NBEAL1: variants seen among roughly 807,000 people sequenced by gnomAD.
NBEAL1 encodes neurobeachin-like protein 1.
NBEAL1 carries 273 observed loss-of-function variants against 351.3 expected under a neutral mutation model. The ratio of observed to expected loss-of-function variants is 0.78; its 90% confidence interval spans 0.70 to 0.86. The LOEUF is 0.86. Ranked by LOEUF, NBEAL1 falls within the 40% of genes least tolerant of loss-of-function variation. The probability of loss-of-function intolerance (pLI) is 0.00; values close to 1 mark genes in which losing one functional copy is unlikely to be tolerated. For synonymous variants in NBEAL1, 1,050 were observed against 1,086.4 expected (o/e 0.97, Z 0.66); for missense variants, 2,961 against 3,201.3 (o/e 0.92, Z 1.81).
intron 38 of NBEAL1, among the ~76,000 whole-genome samples, chr2:203,169,401 A>C (rs1240700259): frequency 6.6e-6 from 1 of 150,762 alleles, no homozygotes; most frequent in South Asian, 2.1e-4. Context: ...AAAAAAAAAA[A>C]AAAAAAAAAA....
chr2:203,122,078 G>A (rs138844896), intron 18 of NBEAL1, among the ~76,000 whole-genome samples, 176 bp from the exon 19 acceptor site: 3,580 of 152,162 alleles, frequency 0.024, 154 homozygotes, highest in East Asian at 0.15. Context: ...GAGCCACCAC[G>A]CCCGGCCCTG....
intron 7 of NBEAL1, among the ~76,000 whole-genome samples, chr2:203,074,317 CTTTTTTTTTT>C (rs56217945): frequency 2.6e-4 from 26 of 98,292 alleles, no homozygotes; most frequent in South Asian, 3.4e-4. Flanking sequence ...TTTCTTTCTT[CTTTTTTTTTT>C]TTTTTTTTTT....
chr2:203,107,751 T>C lies in NBEAL1; in HGVS notation c.1512T>C (p.Cys504=). ...FISDWLKRIC[C]INRQSRTTCV... ...CTGATTGGCTGAAAAGAATTTGTTG[T>C]ATTAATAGACAGAGTCGAACTACTT... The change falls in exon 14 of 56, where the codon TGT becomes TGC. Residue 504 remains cysteine, a synonymous_variant. Coordinates refer to ENST00000683969, the MANE Select transcript of NBEAL1 (RefSeq NM_001378026.1). 6.4e-7 allele frequency: 1 copy of C among 1,554,046 alleles called. No individual in the cohort carries two copies. Among genetic ancestry groups the C allele is most frequent in the East Asian group, 2.4e-5 (1 of 41,622 alleles).
intron 18 of NBEAL1, among the ~76,000 whole-genome samples, chr2:203,120,846 T>G (rs1486130236): frequency 6.6e-6 from 1 of 152,166 alleles, no homozygotes; most frequent in Non-Finnish European, 1.5e-5. Context: ...ACTAAAGTAG[T>G]AACTAGAGAA....
At chr2:203,204,609 A>G (rs2065502271) in intron 51 of NBEAL1, among the ~76,000 whole-genome samples, 2 of 152,066 alleles carry the variant, frequency 1.3e-5, no homozygotes, top group African/African-American at 4.8e-5. Context: ...ATAATTTGGC[A>G]TATTTTTATA....
intron 10 of NBEAL1, chr2:203,085,786 C>G (rs1032046809): frequency 1.3e-5 from 2 of 152,098 alleles, no homozygotes; most frequent in Non-Finnish European, 2.9e-5. Flanking sequence ...TTCTCCCATA[C>G]AATAATAAAT....
chr2:203,110,083 T>G, intron 14 of NBEAL1, 67 bp from the exon 15 acceptor site: 1 of 1,409,032 alleles, frequency 7.1e-7, no homozygotes, highest in Non-Finnish European at 9.5e-7. Context: ...TATGGTTTTA[T>G]GTACTTTAAT....
chr2:203,204,770 G>C (rs1415593171), intron 51 of NBEAL1, among the ~76,000 whole-genome samples: 4 of 151,764 alleles, frequency 2.6e-5, no homozygotes, highest in African/African-American at 9.7e-5. Context: ...TATTTTTAGT[G>C]GGGTTTTAAA....
intron 2 of NBEAL1, among the ~76,000 whole-genome samples, chr2:203,016,990 A>C (rs558709336): frequency 1.3e-5 from 2 of 152,230 alleles, no homozygotes; most frequent in Non-Finnish European, 2.9e-5. Flanking sequence ...CAAGGGTTAC[A>C]GGAGTACTGA....
chr2:203,056,494 C>G lies in NBEAL1; in HGVS notation c.373C>G (p.Leu125Val). 1.3e-6 allele frequency: 2 copies of G among 1,534,624 alleles called. No homozygotes were observed. The highest frequency in any genetic ancestry group is 1.8e-6 in the Non-Finnish European group (2 of 1,129,664). ...TAATTATGTCATCACCATGACAACA[C>G]TCTATATTCAGCAAGTAGGTGTGAA... is the stretch of plus-strand genomic sequence containing the variant. ...YINYVITMTTLYIQQLKSKKK... is the reference protein window; with the variant it reads ...YINYVITMTTVYIQQLKSKKK... The change falls in exon 5 of 56, where the codon CTC becomes GTC. Residue 125 changes from leucine (L) to valine (V), a missense_variant. Transcript: ENST00000683969.
At chr2:203,103,295 A>G (rs903539596) in intron 12 of NBEAL1, among the ~76,000 whole-genome samples, 13 of 148,704 alleles carry the variant, frequency 8.7e-5, no homozygotes, top group African/African-American at 3.0e-4. Flanking sequence ...TTTTTTGGAG[A>G]CAGAGTCTCT....
intron 38 of NBEAL1, among the ~76,000 whole-genome samples, chr2:203,168,964 T>C (rs925579871): frequency 6.6e-6 from 1 of 151,868 alleles, no homozygotes; most frequent in Admixed American, 6.6e-5. Context: ...ATAAGTGAAT[T>C]TTATAACTTT....
intron 36 of NBEAL1, among the ~76,000 whole-genome samples, chr2:203,160,073 C>T (rs1239603004): frequency 2.1e-5 from 3 of 142,968 alleles, no homozygotes; most frequent in East Asian, 2.2e-4. Flanking sequence ...ACTTGCCCCC[C>T]GCTATTTTTT....
chr2:203,058,264 T>C (rs1170786826), intron 6 of NBEAL1, among the ~76,000 whole-genome samples: 2 of 152,142 alleles, frequency 1.3e-5, no homozygotes, highest in African/African-American at 2.4e-5. Flanking sequence ...ATTCCTAGGC[T>C]CAAGTAATCC....
intron 2 of NBEAL1, among the ~76,000 whole-genome samples, chr2:203,035,600 G>C (rs1422614659): frequency 6.7e-6 from 1 of 149,150 alleles, no homozygotes; most frequent in Non-Finnish European, 1.5e-5. Flanking sequence ...AGGCACTGTT[G>C]AGTGCCTTTT....
intron 35 of NBEAL1, among the ~76,000 whole-genome samples, chr2:203,157,155 T>C (rs995871924): frequency 2.6e-5 from 4 of 152,138 alleles, no homozygotes; most frequent in Non-Finnish European, 5.9e-5. Context: ...AGACCTGCCT[T>C]TTTACAGGAT....
chr2:203,071,772 A>T (rs2061686949), intron 7 of NBEAL1, among the ~76,000 whole-genome samples: 2 of 152,258 alleles, frequency 1.3e-5, no homozygotes, highest in Admixed American at 1.3e-4. Context: ...ATGTTGGAAC[A>T]GGTATAGGAT....
At chr2:203,158,481 A>T (rs931791494) in intron 36 of NBEAL1, among the ~76,000 whole-genome samples, 2 of 152,294 alleles carry the variant, frequency 1.3e-5, no homozygotes, top group South Asian at 2.1e-4. Flanking sequence ...ACATTTTAAA[A>T]TTTTTAATTT....
At chr2:203,076,589 CTTTTTTTT>C (rs369481909) in intron 7 of NBEAL1, among the ~76,000 whole-genome samples, 2 of 109,216 alleles carry the variant, frequency 1.8e-5, no homozygotes, top group African/African-American at 3.6e-5. Flanking sequence ...GTACTATGTA[CTTTTTTTT>C]TTTTTTTTTT....
Sources: gnomAD v4.1 joint callset for allele counts (sites outside exome capture counted in the v4.1 genomes callset) on GRCh38, gnomAD v4.1.1 for gene constraint, MANE v1.5 for transcripts, NCBI Gene and HGNC (gene_info 2026-07-23, HGNC 2026-07-21) for gene names.